Variants in FRMPD4 observed in about 807,000 individuals in gnomAD.
The protein encoded by FRMPD4 is FERM and PDZ domain containing 4.
A neutral mutation model predicts 94.1 loss-of-function variants in FRMPD4; 22 were observed. The observed-to-expected ratio is 0.23, with a 90% CI of 0.17 to 0.33. The LOEUF is 0.33. Ranked by LOEUF, FRMPD4 falls within the 10% of genes least tolerant of loss-of-function variation. The pLI, the probability that FRMPD4 is intolerant of heterozygous loss-of-function variation, is 1.00. For missense variants in FRMPD4, 1,111 were observed against 1,339.9 expected, an observed-to-expected ratio of 0.83 and a Z score of 2.67; for synonymous variants, 631 against 548.6, an observed-to-expected ratio of 1.15 and a Z score of -2.10.
intron 7 of FRMPD4, among the ~76,000 whole-genome samples, chrX:12,686,761 C>A (rs1042932285): frequency 8.9e-5 from 10 of 112,286 alleles, no homozygotes; most frequent in Non-Finnish European, 1.7e-4. Flanking sequence ...ACTCACAAAG[C>A]AATCCTATTC....
At chrX:12,147,251 G>T (rs946941121) in intron 1 of FRMPD4, among the ~76,000 whole-genome samples, 1 of 112,393 alleles carries the variant, frequency 8.9e-6, no homozygotes, top group African/African-American at 3.2e-5. Context: ...CCCCATTGCT[G>T]TTGGGCTTGG....
chrX:11,989,369 T>A (rs770592840), intron 3 of FRMPD4, among the ~76,000 whole-genome samples: 39 of 111,344 alleles, frequency 3.5e-4, no homozygotes, highest in African/African-American at 1.3e-3. Flanking sequence ...TTAAGTGAAA[T>A]AAGCCAGGCA....
upstream of FRMPD4, among the ~76,000 whole-genome samples, chrX:12,135,610 G>T (rs2055589592): frequency 9.2e-6 from 1 of 108,433 alleles, no homozygotes; most frequent in African/African-American, 3.4e-5. Flanking sequence ...GATGGCATCT[G>T]CATCATTCAT....
intron 1 of FRMPD4, among the ~76,000 whole-genome samples, chrX:12,221,845 C>T (rs918315548): frequency 2.7e-5 from 3 of 111,372 alleles, no homozygotes; most frequent in Admixed American, 9.6e-5. Flanking sequence ...GATATAATAG[C>T]GACATCAGGA....
intron 1 of FRMPD4, among the ~76,000 whole-genome samples, chrX:12,451,829 TTTTCC>T (rs2057275606): frequency 9.1e-6 from 1 of 109,566 alleles, no homozygotes. Context: ...ATTAAATACA[TTTTCC>T]TTTTTTTCCA....
intron 3 of FRMPD4, among the ~76,000 whole-genome samples, chrX:11,894,170 C>G (rs965874158): frequency 2.7e-5 from 3 of 111,847 alleles, no homozygotes; most frequent in Admixed American, 9.5e-5. Context: ...AAGGAGCCTT[C>G]ACAATGACAT....
chrX:12,658,471 T>A (rs1417623598), intron 4 of FRMPD4, among the ~76,000 whole-genome samples: 2 of 111,738 alleles, frequency 1.8e-5, no homozygotes, highest in Non-Finnish European at 3.8e-5. Flanking sequence ...GAAATGTTAA[T>A]AAAGGAGCTG....
At chrX:11,972,181 A>AT (rs1345481727) in intron 3 of FRMPD4, among the ~76,000 whole-genome samples, 9 of 112,051 alleles carry the variant, frequency 8.0e-5, no homozygotes, top group Non-Finnish European at 1.7e-4. Flanking sequence ...TTCTAGTTTT[A>AT]TTTTTTTAAT....
chrX:12,707,350 T>C, intron 12 of FRMPD4, 119 bp from the exon 13 acceptor site: 3 of 556,505 alleles, frequency 5.4e-6, no homozygotes, highest in Middle Eastern at 4.2e-4. Flanking sequence ...TTTAGTACAG[T>C]ATGACCCAGA....
chrX:12,672,004 A>C (rs2148501793), intron 4 of FRMPD4, among the ~76,000 whole-genome samples: 1 of 111,701 alleles, frequency 9.0e-6, no homozygotes, highest in African/African-American at 3.3e-5. Flanking sequence ...AACTCCACAA[A>C]ATTCCTCCTT....
intron 3 of FRMPD4, among the ~76,000 whole-genome samples, chrX:12,126,113 C>A (rs2055497645): frequency 8.9e-6 from 1 of 112,255 alleles, no homozygotes; most frequent in Non-Finnish European, 1.9e-5. Flanking sequence ...TAGGCTATGG[C>A]AGACAGAGCC....
At chrX:12,691,930 A>G (rs2060084318) in intron 8 of FRMPD4, among the ~76,000 whole-genome samples, 1 of 110,596 alleles carries the variant, frequency 9.0e-6, no homozygotes, top group African/African-American at 3.3e-5. Context: ...GCCTTGTGCT[A>G]TCGAATGGTC....
intron 1 of FRMPD4, among the ~76,000 whole-genome samples, chrX:12,248,332 C>G (rs919196118): frequency 1.8e-5 from 2 of 112,223 alleles, no homozygotes; most frequent in African/African-American, 6.5e-5. Flanking sequence ...TGGCCACTTC[C>G]TTATTTCTAG....
intron 1 of FRMPD4, among the ~76,000 whole-genome samples, chrX:12,367,331 C>T (rs1476925213): frequency 8.9e-6 from 1 of 112,280 alleles, no homozygotes; most frequent in South Asian, 3.7e-4. Context: ...GATCCCATTC[C>T]GGCCTGCACA....
At chrX:12,158,585 A>G (rs866997422) in intron 1 of FRMPD4, among the ~76,000 whole-genome samples, 3 of 112,007 alleles carry the variant, frequency 2.7e-5, no homozygotes, top group African/African-American at 3.2e-5. Context: ...CTTGATTTCT[A>G]TCCTCTGTCT....
intron 1 of FRMPD4, among the ~76,000 whole-genome samples, chrX:12,139,896 C>T (rs1049747605): frequency 9.0e-6 from 1 of 111,621 alleles, no homozygotes; most frequent in Non-Finnish European, 1.9e-5. Context: ...TAGCAGCTAC[C>T]ACCAGGACGT....
intron 3 of FRMPD4, among the ~76,000 whole-genome samples, chrX:12,103,256 G>C (rs890688639): frequency 5.4e-5 from 6 of 111,799 alleles, no homozygotes; most frequent in African/African-American, 2.0e-4. Context: ...AAAGTGCCTG[G>C]TGTACCATAA....
chrX:12,352,000 T>C (rs1367279218), intron 1 of FRMPD4, among the ~76,000 whole-genome samples: 2 of 112,128 alleles, frequency 1.8e-5, no homozygotes, highest in Non-Finnish European at 3.8e-5. Context: ...TGTGTATTTG[T>C]GTTGGGTACA....
chrX:12,513,792 A>G (rs919870550), intron 2 of FRMPD4, among the ~76,000 whole-genome samples: 2 of 112,002 alleles, frequency 1.8e-5, no homozygotes, highest in Non-Finnish European at 3.8e-5. Flanking sequence ...CACTGAATAT[A>G]TAAATTACTT....
Sources: gnomAD v4.1 joint callset for allele counts (sites outside exome capture counted in the v4.1 genomes callset) on GRCh38, gnomAD v4.1.1 for gene constraint, MANE v1.5 for transcripts, NCBI Gene and HGNC (gene_info 2026-07-23, HGNC 2026-07-21) for gene names.